The following ITGA9 variants were observed in gnomAD, a reference collection of about 807,000 sequenced individuals.
ITGA9 encodes integrin subunit alpha 9.
In ITGA9, 56 loss-of-function variants were observed where a neutral mutation model predicts 127.8. That is an observed-to-expected ratio of 0.44 (90% CI 0.35 to 0.55). ITGA9 has a LOEUF of 0.55. Among genes scored for constraint, ITGA9 ranks in the 20% least tolerant of loss-of-function variants. ITGA9 has a pLI of 0.00. For synonymous variants in ITGA9, 508 were observed against 514.5 expected (o/e 0.99, Z 0.17); for missense variants, 1,196 against 1,347.1 (o/e 0.89, Z 1.76).
chr3:37,666,359 G>T (rs867093868), intron 17 of ITGA9, among the ~76,000 whole-genome samples: 26 of 152,226 alleles, frequency 1.7e-4, no homozygotes, highest in Admixed American at 1.7e-3. Flanking sequence ...GTTACTTACT[G>T]CTGTAACAAA....
chr3:37,815,112 C>T (rs1697414794), intron 27 of ITGA9, among the ~76,000 whole-genome samples: 1 of 152,164 alleles, frequency 6.6e-6, no homozygotes, highest in Non-Finnish European at 1.5e-5. Flanking sequence ...TTCCGGGTGC[C>T]TGCAAGAGAT....
In ITGA9 at chr3:37,668,975, C is replaced by T. The variant is rs560634736; in HGVS notation, c.1917-14890C>T. On this transcript the variant is annotated intron_variant, in intron 17 of 27. Transcript: ENST00000264741. Reference sequence around the variant, plus strand: ...CCTCTAGATTTTATGAGCTTGTTTCCCTGACTGCATTCCAGAGCCACGTGT... The same window carrying T: ...CCTCTAGATTTTATGAGCTTGTTTCTCTGACTGCATTCCAGAGCCACGTGT... 1.6e-3 allele frequency among the ~76,000 whole-genome samples: 248 copies of T among 152,306 alleles called. 1 individual carries two copies. The highest frequency in any genetic ancestry group is 5.7e-3 in the African/African-American group (238 of 41,558).
At position 37,551,776 on chromosome 3, in the gene ITGA9, C is replaced by T. The variant is rs559185638; in HGVS notation, c.1689+9191C>T. Reference sequence around the variant, plus strand: ...CTGCCTCGCCAGACCTCCCCACCTCCCGGACATACAGACTCCAGATGTGGA... The same window carrying T: ...CTGCCTCGCCAGACCTCCCCACCTCTCGGACATACAGACTCCAGATGTGGA... On this transcript the variant is annotated intron_variant, in intron 15 of 27. Transcript: ENST00000264741. 3.7e-4 allele frequency among the ~76,000 whole-genome samples: 57 copies of T among 152,326 alleles called. 1 individual carries two copies. The highest frequency in any genetic ancestry group is 1.3e-3 in the African/African-American group (52 of 41,576).
intron 14 of ITGA9, among the ~76,000 whole-genome samples, chr3:37,542,193 C>T (rs1256716691): frequency 1.3e-5 from 2 of 152,086 alleles, no homozygotes; most frequent in African/African-American, 4.8e-5. Context: ...TGAAGTATGA[C>T]ACAAGGAGAG....
chr3:37,525,260 G>A (rs1049837386), intron 12 of ITGA9, among the ~76,000 whole-genome samples: 1 of 152,044 alleles, frequency 6.6e-6, no homozygotes, highest in Non-Finnish European at 1.5e-5. Context: ...AGCTTACCAA[G>A]TATTTCCATG....
intron 1 of ITGA9, among the ~76,000 whole-genome samples, chr3:37,462,640 T>G (rs1284903701): frequency 1.3e-5 from 2 of 152,010 alleles, no homozygotes; most frequent in African/African-American, 2.4e-5. Context: ...TACCTCCACC[T>G]CCATCAAGGC....
chr3:37,541,379 A>G (rs150165635), intron 14 of ITGA9, among the ~76,000 whole-genome samples: 5 of 152,226 alleles, frequency 3.3e-5, no homozygotes, highest in African/African-American at 1.2e-4. Context: ...AGGGTTACGG[A>G]GGGGATGACC....
intron 8 of ITGA9, among the ~76,000 whole-genome samples, chr3:37,511,016 C>T (rs1397792583): frequency 2.6e-5 from 4 of 152,158 alleles, no homozygotes; most frequent in African/African-American, 7.2e-5. Flanking sequence ...AAGGACATGA[C>T]CCCAGGCTTT....
chr3:37,787,372 T>C (rs765204684), intron 26 of ITGA9, among the ~76,000 whole-genome samples: 34 of 152,324 alleles, frequency 2.2e-4, no homozygotes, highest in Non-Finnish European at 4.1e-4. Context: ...CATCTCGTTG[T>C]TGGATTCCAA....
rs143460051 is a variant in ITGA9 at position 37,515,932 on chromosome 3, C to G, written c.1036-1572C>G. ...TGGGAGGGAAGGTGCTTATTGGTAC[C>G]TGTTGCAGGAACTCTTGGCACCTGC... On this transcript the variant is annotated intron_variant, in intron 9 of 27. Coordinates refer to ENST00000264741, the MANE Select transcript of ITGA9 (RefSeq NM_002207.3). 4.1e-3 allele frequency among the ~76,000 whole-genome samples: 618 copies of G among 152,256 alleles called. 3 individuals are homozygous for G. Among genetic ancestry groups the G allele is most frequent in the Admixed American group, 0.011 (175 of 15,294 alleles).
chr3:37,683,579 T>C (rs996507362), intron 17 of ITGA9, among the ~76,000 whole-genome samples: 1 of 152,190 alleles, frequency 6.6e-6, no homozygotes, highest in Admixed American at 6.5e-5. Flanking sequence ...AATCCCACGC[T>C]TAGGTTGTTA....
At chr3:37,818,557 C>T (rs982670143) in intron 27 of ITGA9, 5 of 334,576 alleles carry the variant, frequency 1.5e-5, no homozygotes, top group Admixed American at 1.2e-4. Flanking sequence ...GCCACTGCGC[C>T]CAGCCATGAA....
At chr3:37,562,105 C>T (rs745943167) in intron 15 of ITGA9, among the ~76,000 whole-genome samples, 61 of 152,172 alleles carry the variant, frequency 4.0e-4, no homozygotes, top group Non-Finnish European at 1.5e-4. Flanking sequence ...ATGGGGCACT[C>T]GGGGCCGTGA....
chr3:37,744,764 C>T (rs1230416599), intron 22 of ITGA9, among the ~76,000 whole-genome samples: 1 of 152,240 alleles, frequency 6.6e-6, no homozygotes, highest in Admixed American at 6.5e-5. Context: ...CAAAGGCAGC[C>T]ATAGATAACA....
chr3:37,518,781 T>C (rs1699013673), intron 10 of ITGA9, among the ~76,000 whole-genome samples: 3 of 121,074 alleles, frequency 2.5e-5, no homozygotes, highest in Admixed American at 2.4e-4. Context: ...CTTTTTTTTT[T>C]TTTTTTTTTT....
rs556668755 is a variant in ITGA9, at chr3:37,683,949, T to C, written c.2001T>C (p.Asp667=). Residue 667 remains aspartate, a synonymous_variant, in exon 18 of 28, where the codon GAT becomes GAC. Transcript: ENST00000264741. ...TCTCTATCTCCAACCTCGGAGATGATGCCTATGATGCCAACGTGTCCTTCA... is the reference window on the plus strand; with the variant it reads ...TCTCTATCTCCAACCTCGGAGATGACGCCTATGATGCCAACGTGTCCTTCA... The part of the protein sequence containing the change: ...LNISISNLGD[D]AYDANVSFNV... 4 of 1,613,748 alleles carry C rather than the reference T, an allele frequency of 2.5e-6. No homozygotes were observed. The African/African-American group carries it at 5.3e-5, about 22-fold the overall frequency.
At chr3:37,595,750 T>G (rs977091081) in intron 15 of ITGA9, among the ~76,000 whole-genome samples, 2 of 152,228 alleles carry the variant, frequency 1.3e-5, no homozygotes, top group African/African-American at 2.4e-5. Flanking sequence ...TGGGGCAGTT[T>G]CCTGCCACCC....
chr3:37,697,406 T>G (rs1454110766), intron 18 of ITGA9, among the ~76,000 whole-genome samples: 1 of 151,904 alleles, frequency 6.6e-6, no homozygotes, highest in Admixed American at 6.6e-5. Flanking sequence ...TACATAGGTA[T>G]ACATGTGCCA....
intron 23 of ITGA9, among the ~76,000 whole-genome samples, chr3:37,773,377 G>A (rs907745981): frequency 2.0e-5 from 3 of 152,232 alleles, no homozygotes; most frequent in Non-Finnish European, 1.5e-5. Flanking sequence ...GTCAGCAGAT[G>A]TCCACTCCAG....
Sources: allele counts gnomAD v4.1 joint callset (sites outside exome capture counted in the v4.1 genomes callset), GRCh38; gene constraint gnomAD v4.1.1; transcripts MANE v1.5; gene names NCBI Gene and HGNC (gene_info 2026-07-23, HGNC 2026-07-21).